WDPCP: variants seen among roughly 807,000 people sequenced by gnomAD.
WDPCP encodes WD repeat-containing and planar cell polarity effector protein fritz homolog.
A neutral mutation model predicts 93.1 loss-of-function variants in WDPCP; 71 were observed. That is an observed-to-expected ratio of 0.76 (90% CI 0.63 to 0.93). WDPCP has a LOEUF of 0.93. Ranked by LOEUF, WDPCP falls within the 40% of genes least tolerant of loss-of-function variation. The pLI is 0.00. For synonymous variants in WDPCP, 315 were observed against 315.0 expected, an observed-to-expected ratio of 1.00 and a Z score of 0.00; for missense variants, 844 against 887.4, an observed-to-expected ratio of 0.95 and a Z score of 0.62.
intron 2 of WDPCP, among the ~76,000 whole-genome samples, chr2:63,806,925 C>T (rs1670775497): frequency 6.6e-6 from 1 of 152,202 alleles, no homozygotes; most frequent in East Asian, 1.9e-4. Flanking sequence ...ACAATTTGTG[C>T]AGTTAATGCA....
chr2:63,512,459 C>T (rs1314456787), intron 1 of WDPCP, among the ~76,000 whole-genome samples: 2 of 152,150 alleles, frequency 1.3e-5, no homozygotes, highest in Non-Finnish European at 2.9e-5. Context: ...TATTGCAGCA[C>T]TATTCACAAT....
At chr2:63,526,956 G>A (rs1023397160) in intron 1 of WDPCP, among the ~76,000 whole-genome samples, 1 of 152,158 alleles carries the variant, frequency 6.6e-6, no homozygotes, top group African/African-American at 2.4e-5. Flanking sequence ...GATGAACGGA[G>A]ATTAGGGAAA....
chr2:63,588,498 G>C (rs376940318), upstream of WDPCP: 60 of 623,366 alleles, frequency 9.6e-5, 1 homozygote, highest in East Asian at 4.1e-4. Flanking sequence ...CCCCTCCAGA[G>C]TGTCAATCGT....
intron 2 of WDPCP, among the ~76,000 whole-genome samples, chr2:63,809,156 G>A (rs541017367): frequency 3.4e-4 from 52 of 151,156 alleles, no homozygotes; most frequent in Non-Finnish European, 6.8e-4. Context: ...CAGCCACCCC[G>A]TCTGGGAAGT....
chr2:63,625,341 G>A (rs778258740), intron 3 of WDPCP, among the ~76,000 whole-genome samples: 61 of 152,180 alleles, frequency 4.0e-4, no homozygotes, highest in Non-Finnish European at 7.6e-4. Flanking sequence ...AATTAGGCAA[G>A]AGAAAGAAAT....
chr2:63,702,316 G>A (rs540854698), intron 2 of WDPCP, among the ~76,000 whole-genome samples: 10 of 152,252 alleles, frequency 6.6e-5, no homozygotes, highest in South Asian at 4.1e-4. Flanking sequence ...GTGAGCCACC[G>A]TGCCCAGCCA....
chr2:63,390,822 C>A (rs996506570), intron 10 of WDPCP, among the ~76,000 whole-genome samples: 17 of 152,192 alleles, frequency 1.1e-4, no homozygotes, highest in Non-Finnish European at 2.4e-4. Flanking sequence ...CATATACACT[C>A]TCCCAAGACT....
At chr2:63,199,208 A>C (rs1675693940) in intron 14 of WDPCP, among the ~76,000 whole-genome samples, 1 of 152,206 alleles carries the variant, frequency 6.6e-6, no homozygotes. Flanking sequence ...GGGGAAGCAG[A>C]GTGTAAAAGT....
chr2:63,711,049 AG>A (rs1303008155), intron 2 of WDPCP, among the ~76,000 whole-genome samples: 8 of 152,226 alleles, frequency 5.3e-5, no homozygotes, highest in African/African-American at 1.4e-4. Context: ...CGCCAGGTAA[AG>A]AACCCCTAGG....
chr2:63,171,026 C>T (rs984141919), intron 15 of WDPCP, among the ~76,000 whole-genome samples: 1 of 151,786 alleles, frequency 6.6e-6, no homozygotes, highest in African/African-American at 2.4e-5. Flanking sequence ...CTATGTACTA[C>T]ATAATGACCT....
At chr2:63,225,934 G>C (rs537462864) in intron 14 of WDPCP, among the ~76,000 whole-genome samples, 60 of 151,914 alleles carry the variant, frequency 3.9e-4, no homozygotes, top group Admixed American at 2.2e-3. Context: ...TGGAGTGCTG[G>C]TAAAATTTAG....
At chr2:63,507,219 C>G (rs1238007441) in intron 1 of WDPCP, among the ~76,000 whole-genome samples, 1 of 151,070 alleles carries the variant, frequency 6.6e-6, no homozygotes, top group South Asian at 2.1e-4. Flanking sequence ...TCTCAAAATA[C>G]TGGAGATAAA....
chr2:63,514,481 T>C (rs899586227), intron 1 of WDPCP, among the ~76,000 whole-genome samples: 1 of 152,176 alleles, frequency 6.6e-6, no homozygotes, highest in African/African-American at 2.4e-5. Context: ...TGACAGGCAC[T>C]TTCCATGAAA....
chr2:63,788,927 A>C lies in WDPCP; in HGVS notation n.308+24695T>G, dbSNP rs540284173. Among the ~76,000 whole-genome samples, 54 of 152,178 alleles carry C rather than the reference A, an allele frequency of 3.5e-4. 1 individual carries two copies. The highest frequency in any genetic ancestry group is 1.2e-3 in the African/African-American group (51 of 41,504). On this transcript the variant is annotated intron_variant and non_coding_transcript_variant, in intron 2 of 4. Transcript: ENST00000467687. ...AATTCTGAGCATTCAGACCCTAAACACTAAACATAGATCCTCACTATGCTG... is the reference window on the plus strand; with the variant it reads ...AATTCTGAGCATTCAGACCCTAAACCCTAAACATAGATCCTCACTATGCTG...
chr2:63,817,355 G>C (rs1670952433), intron 1 of WDPCP, among the ~76,000 whole-genome samples: 1 of 152,096 alleles, frequency 6.6e-6, no homozygotes, highest in African/African-American at 2.4e-5. Context: ...TGATCCACCT[G>C]TCTTGGCCTC....
intron 12 of WDPCP, among the ~76,000 whole-genome samples, chr2:63,320,806 A>C (rs1477442463): frequency 1.3e-5 from 2 of 152,050 alleles, no homozygotes; most frequent in Admixed American, 1.3e-4. Context: ...ACAAACAAAA[A>C]ACAAAATGAC....
intron 3 of WDPCP, among the ~76,000 whole-genome samples, chr2:63,595,174 A>G (rs1312580312): frequency 6.6e-6 from 1 of 152,186 alleles, no homozygotes; most frequent in African/African-American, 2.4e-5. Context: ...TGTTTTTTTC[A>G]TATACTGTTA....
At chr2:63,585,360 C>G (rs1261523122) in intron 1 of WDPCP, among the ~76,000 whole-genome samples, 1 of 152,014 alleles carries the variant, frequency 6.6e-6, no homozygotes. Flanking sequence ...TCCAAGATAC[C>G]TAGCATTACA....
At chr2:63,238,937 C>T (rs767764696) in intron 14 of WDPCP, among the ~76,000 whole-genome samples, 1 of 152,130 alleles carries the variant, frequency 6.6e-6, no homozygotes, top group Non-Finnish European at 1.5e-5. Flanking sequence ...CCAATTTCCA[C>T]GACATAAATA....
Sources: allele counts gnomAD v4.1 joint callset (sites outside exome capture counted in the v4.1 genomes callset), GRCh38; gene constraint gnomAD v4.1.1; transcripts MANE v1.5; gene names NCBI Gene and HGNC (gene_info 2026-07-23, HGNC 2026-07-21).